The following MAPK10 variants were observed in gnomAD, a reference collection of about 807,000 sequenced individuals.
MAPK10 encodes the protein mitogen-activated protein kinase 10.
MAPK10 carries 25 observed loss-of-function variants against 59.3 expected under a neutral mutation model. The ratio of observed to expected loss-of-function variants is 0.42; its 90% CI spans 0.31 to 0.59. The LOEUF (loss-of-function observed/expected upper bound fraction) is 0.59. Ranked by LOEUF, MAPK10 falls within the 20% of genes least tolerant of loss-of-function variation. MAPK10 has a pLI of 0.15. For synonymous variants in MAPK10, 190 were observed against 200.5 expected (o/e 0.95, Z 0.44); for missense variants, 351 against 568.9 (o/e 0.62, Z 3.90).
At chr4:86,593,616 G>C (rs1023924032) in intron 1 of MAPK10, 1 of 152,152 alleles carries the variant, frequency 6.6e-6, no homozygotes, top group Non-Finnish European at 1.5e-5. Flanking sequence ...AAAATAACAA[G>C]GCAAGTATTT....
At chr4:86,354,107 T>G (rs1031799266) in intron 2 of MAPK10, among the ~76,000 whole-genome samples, 3 of 151,792 alleles carry the variant, frequency 2.0e-5, no homozygotes, top group Non-Finnish European at 4.4e-5. Context: ...CTAAATTGTG[T>G]GTGTGTGTGT....
intron 2 of MAPK10, among the ~76,000 whole-genome samples, chr4:86,209,306 C>T (rs575643075): frequency 6.6e-6 from 1 of 152,108 alleles, no homozygotes; most frequent in Admixed American, 6.6e-5. Flanking sequence ...GATGTATTCA[C>T]GTATATAAAA....
At chr4:86,229,986 A>T (rs796769431) in intron 2 of MAPK10, among the ~76,000 whole-genome samples, 7 of 152,286 alleles carry the variant, frequency 4.6e-5, no homozygotes, top group African/African-American at 1.4e-4. Flanking sequence ...GCTTGAGCCC[A>T]TGAGGTCGAG....
intron 4 of MAPK10, among the ~76,000 whole-genome samples, chr4:86,111,532 T>C (rs747890273): frequency 3.3e-5 from 5 of 152,226 alleles, no homozygotes; most frequent in South Asian, 2.1e-4. Context: ...ACTTCATTTA[T>C]TGATTTGCGT....
chr4:86,228,754 T>C (rs2091076440), intron 2 of MAPK10, among the ~76,000 whole-genome samples: 1 of 151,262 alleles, frequency 6.6e-6, no homozygotes, highest in African/African-American at 2.5e-5. Flanking sequence ...CCCAGCACTT[T>C]ACATAGTAGT....
intron 1 of MAPK10, among the ~76,000 whole-genome samples, chr4:86,514,127 T>C (rs1564972156): frequency 6.6e-6 from 1 of 152,108 alleles, no homozygotes; most frequent in Non-Finnish European, 1.5e-5. Context: ...GAGTCACTAG[T>C]GTTAAAAACT....
chr4:86,176,644 T>G (rs1434453491), intron 3 of MAPK10, among the ~76,000 whole-genome samples: 1 of 135,076 alleles, frequency 7.4e-6, no homozygotes, highest in Admixed American at 7.0e-5. Flanking sequence ...AATAAATTTT[T>G]AGAAAAAAAC....
At chr4:86,470,715 C>G (rs537561170) in intron 1 of MAPK10, among the ~76,000 whole-genome samples, 80 of 151,544 alleles carry the variant, frequency 5.3e-4, no homozygotes, top group African/African-American at 1.9e-3. Flanking sequence ...TGTTTAATAC[C>G]AAGGGAAAGA....
chr4:86,388,978 T>C (rs1741850127), intron 1 of MAPK10, among the ~76,000 whole-genome samples: 2 of 152,318 alleles, frequency 1.3e-5, no homozygotes, highest in Middle Eastern at 3.4e-3. Flanking sequence ...AACTGGCAGA[T>C]AGCATTCAAT....
At chr4:86,319,279 C>T (rs2095846276) in intron 2 of MAPK10, among the ~76,000 whole-genome samples, 1 of 151,948 alleles carries the variant, frequency 6.6e-6, no homozygotes, top group Admixed American at 6.6e-5. Flanking sequence ...GTGCCGGGGC[C>T]AGAAGTGAAG....
At chr4:86,284,002 A>T (rs1438331425) in intron 2 of MAPK10, among the ~76,000 whole-genome samples, 1 of 152,198 alleles carries the variant, frequency 6.6e-6, no homozygotes, top group Non-Finnish European at 1.5e-5. Flanking sequence ...GAAGCCGCAT[A>T]ATAAAGAAAC....
chr4:86,344,832 G>A (rs1727179826), intron 2 of MAPK10, among the ~76,000 whole-genome samples: 1 of 152,056 alleles, frequency 6.6e-6, no homozygotes, highest in Non-Finnish European at 1.5e-5. Context: ...TCCCAGTAGA[G>A]TTTAGAAATC....
chr4:86,284,574 GAAT>G (rs1374949827), intron 2 of MAPK10, among the ~76,000 whole-genome samples: 1 of 152,150 alleles, frequency 6.6e-6, no homozygotes, highest in African/African-American at 2.4e-5. Flanking sequence ...TGTAGGAAAG[GAAT>G]AATACTACCG....
At chr4:86,462,189 G>A (rs1306310941) in intron 1 of MAPK10, among the ~76,000 whole-genome samples, 1 of 152,214 alleles carries the variant, frequency 6.6e-6, no homozygotes, top group East Asian at 1.9e-4. Context: ...GGAGTCTGTG[G>A]ACCCTTGCCA....
At chr4:86,571,327 CGTGTGTGTGTGT>C (rs34133535) in intron 1 of MAPK10, among the ~76,000 whole-genome samples, 9 of 139,646 alleles carry the variant, frequency 6.4e-5, no homozygotes, top group African/African-American at 1.6e-4. Flanking sequence ...TATATATATA[CGTGTGTGTGTGT>C]GTGTGTGTGT....
intron 9 of MAPK10, among the ~76,000 whole-genome samples, chr4:86,087,855 T>C (rs184977009): frequency 2.6e-5 from 4 of 152,204 alleles, no homozygotes; most frequent in African/African-American, 7.2e-5. Flanking sequence ...TATTACATTA[T>C]AGACATTTGA....
At chr4:86,473,128 C>T (rs1359252351) in intron 1 of MAPK10, among the ~76,000 whole-genome samples, 1 of 152,138 alleles carries the variant, frequency 6.6e-6, no homozygotes, top group Non-Finnish European at 1.5e-5. Context: ...ATTTCTGATT[C>T]ACTTATATTT....
intron 4 of MAPK10, among the ~76,000 whole-genome samples, chr4:86,139,857 C>T (rs1189047027): frequency 2.0e-5 from 3 of 148,866 alleles, no homozygotes; most frequent in Non-Finnish European, 3.0e-5. Context: ...ACAACCCCAT[C>T]AAAAAGTGGG....
At chr4:86,194,566 TG>T (rs1456953716) in intron 2 of MAPK10, among the ~76,000 whole-genome samples, 159 bp from the exon 3 acceptor site, 1 of 152,196 alleles carries the variant, frequency 6.6e-6, no homozygotes, top group Non-Finnish European at 1.5e-5. Context: ...TTTCACAAAT[TG>T]TATTTAATAA....
Sources: gnomAD v4.1 joint callset for allele counts (sites outside exome capture counted in the v4.1 genomes callset) on GRCh38, gnomAD v4.1.1 for gene constraint, MANE v1.5 for transcripts, NCBI Gene and HGNC (gene_info 2026-07-23, HGNC 2026-07-21) for gene names.